DLGAP2: variants seen among roughly 807,000 people sequenced by gnomAD.
DLGAP2 encodes the protein disks large-associated protein 2.
In DLGAP2, 26 loss-of-function variants were observed where a neutral mutation model predicts 100.3. The ratio of observed to expected loss-of-function variants is 0.26; its 90% CI spans 0.19 to 0.36. The LOEUF is 0.36. Among genes scored for constraint, DLGAP2 ranks in the 10% least tolerant of loss-of-function variants. The pLI is 1.00. For missense variants in DLGAP2, 1,858 were observed against 1,453.2 expected (o/e 1.28, Z -4.53); for synonymous variants, 886 against 630.1 (o/e 1.41, Z -6.08).
chr8:1,492,367 C>G (rs1477791852), intron 3 of DLGAP2, among the ~76,000 whole-genome samples: 1 of 152,118 alleles, frequency 6.6e-6, no homozygotes, highest in African/African-American at 2.4e-5. Flanking sequence ...ATTAGGGAAG[C>G]GGCTCAAATG....
intron 8 of DLGAP2, among the ~76,000 whole-genome samples, chr8:1,638,195 G>C (rs1797814348): frequency 6.6e-6 from 1 of 152,100 alleles, no homozygotes; most frequent in African/African-American, 2.4e-5. Context: ...CCCCGGACTT[G>C]GTGCTGAACC....
intron 8 of DLGAP2, among the ~76,000 whole-genome samples, chr8:1,642,231 ACCTGTGTCACCCTCGAC>A (rs1797930195): frequency 2.4e-5 from 1 of 41,286 alleles, no homozygotes; most frequent in East Asian, 9.0e-4. Flanking sequence ...GCCGGCCCTC[ACCTGTGTCACCCTCGAC>A]CCCGCCGGCC....
At chr8:786,525 T>A (rs990453145) in intron 1 of DLGAP2, among the ~76,000 whole-genome samples, 1 of 152,180 alleles carries the variant, frequency 6.6e-6, no homozygotes, top group Admixed American at 6.5e-5. Context: ...GCAGCCTTGC[T>A]GTACACAAAG....
intron 1 of DLGAP2, among the ~76,000 whole-genome samples, chr8:783,274 C>G (rs983831849): frequency 6.6e-6 from 1 of 152,194 alleles, no homozygotes; most frequent in Non-Finnish European, 1.5e-5. Context: ...TTTGCCTGCA[C>G]TCTGTTCCCT....
intron 1 of DLGAP2, among the ~76,000 whole-genome samples, chr8:745,814 G>A (rs1820603848): frequency 6.6e-6 from 1 of 152,188 alleles, no homozygotes; most frequent in South Asian, 2.1e-4. Context: ...CGGACTATAA[G>A]ACAGTATGAA....
chr8:1,428,881 T>C (rs1018399050), intron 3 of DLGAP2, among the ~76,000 whole-genome samples: 3 of 152,224 alleles, frequency 2.0e-5, no homozygotes, highest in Admixed American at 1.3e-4. Context: ...GTGACTCCCA[T>C]GCACAGGACG....
intron 1 of DLGAP2, among the ~76,000 whole-genome samples, chr8:862,788 A>C (rs1039665565): frequency 1.2e-4 from 19 of 152,206 alleles, no homozygotes; most frequent in African/African-American, 4.6e-4. Flanking sequence ...TGGCTTCCCC[A>C]GGGCCCCAAA....
intron 2 of DLGAP2, among the ~76,000 whole-genome samples, chr8:1,017,670 G>T (rs1199379749): frequency 7.1e-6 from 1 of 139,948 alleles, no homozygotes; most frequent in Non-Finnish European, 1.6e-5. Flanking sequence ...GTGACCAGGA[G>T]CCTTTTGGCT....
At chr8:1,272,653 T>C (rs1361242157) in intron 3 of DLGAP2, among the ~76,000 whole-genome samples, 1 of 152,106 alleles carries the variant, frequency 6.6e-6, no homozygotes, top group Non-Finnish European at 1.5e-5. Context: ...GCGCTGGACA[T>C]GGGAGATTCG....
intron 3 of DLGAP2, among the ~76,000 whole-genome samples, chr8:1,372,514 T>C (rs762495929): frequency 6.6e-6 from 1 of 152,146 alleles, no homozygotes; most frequent in African/African-American, 2.4e-5. Flanking sequence ...GCATAATTCC[T>C]CTTCATGGGC....
intron 3 of DLGAP2, among the ~76,000 whole-genome samples, chr8:1,378,887 A>C (rs368789495): frequency 6.6e-6 from 1 of 151,964 alleles, no homozygotes; most frequent in Admixed American, 6.6e-5. Context: ...CGGGTTCAAC[A>C]CTCATGCTTC....
rs144733325 is a variant in DLGAP2, at chr8:1,132,618, G to A, written c.74-126233G>A. On this transcript the variant is annotated intron_variant, in intron 2 of 14. Coordinates refer to ENST00000637795, the MANE Select transcript of DLGAP2 (RefSeq NM_001346810.2). ...CACAGTAAAGCCAGATGCTCACACC[G>A]AAGTTTTGGCAGTGATGTAAAGAAG... is the stretch of plus-strand genomic sequence containing the variant. 6.6e-5 allele frequency among the ~76,000 whole-genome samples: 10 copies of A among 152,340 alleles called. No individual in the cohort carries two copies. In the East Asian group the frequency reaches 1.7e-3, roughly 26 times the overall value.
At chr8:1,491,544 A>G (rs1799389486) in intron 3 of DLGAP2, among the ~76,000 whole-genome samples, 1 of 152,254 alleles carries the variant, frequency 6.6e-6, no homozygotes, top group Admixed American at 6.5e-5. Flanking sequence ...TTCCTGGGTA[A>G]GCATGGTGGA....
chr8:1,473,408 G>C (rs533070538), intron 3 of DLGAP2, among the ~76,000 whole-genome samples: 2 of 152,318 alleles, frequency 1.3e-5, no homozygotes, highest in African/African-American at 4.8e-5. Flanking sequence ...TCCACTGCGG[G>C]GCTGGAGGCG....
At chr8:1,412,689 A>G (rs902308056) in intron 3 of DLGAP2, among the ~76,000 whole-genome samples, 18 of 152,184 alleles carry the variant, frequency 1.2e-4, no homozygotes, top group African/African-American at 3.9e-4. Context: ...GAGTCAGTGC[A>G]TGTAATTATT....
At chr8:1,000,564 C>T (rs1257270706) in intron 2 of DLGAP2, among the ~76,000 whole-genome samples, 1 of 152,124 alleles carries the variant, frequency 6.6e-6, no homozygotes, top group Non-Finnish European at 1.5e-5. Flanking sequence ...TTCTTTTGCA[C>T]TGGTGTCTAG....
Position 1,179,268 on chromosome 8 carries a change from TG to T in DLGAP2, c.74-79578del, listed in dbSNP as rs541922185. Among the ~76,000 whole-genome samples the T allele has an allele frequency of 4.4e-3, 673 of 152,218 alleles. 8 individuals carry two copies. The highest frequency in any genetic ancestry group is 0.017 in the Middle Eastern group (5 of 294). ...TATTTCAGAGGCCTTAGATGCAGAG[TG>T]GGGGTGGGTGAGCACTCAGCTCTCT... On this transcript the variant is annotated intron_variant, in intron 2 of 14. Coordinates refer to ENST00000637795, the MANE Select transcript of DLGAP2 (RefSeq NM_001346810.2).
At chr8:1,693,442 T>C (rs187101250) in intron 13 of DLGAP2, among the ~76,000 whole-genome samples, 8 of 152,016 alleles carry the variant, frequency 5.3e-5, no homozygotes, top group African/African-American at 1.9e-4. Flanking sequence ...AAATAGTAAA[T>C]AATAGTTATG....
At chr8:1,327,425 C>T (rs898590308) in intron 3 of DLGAP2, among the ~76,000 whole-genome samples, 2 of 152,180 alleles carry the variant, frequency 1.3e-5, no homozygotes, top group Admixed American at 6.5e-5. Context: ...TCCATCTCTT[C>T]CTTTGTCTTT....
Sources: gnomAD v4.1 joint callset for allele counts (sites outside exome capture counted in the v4.1 genomes callset) on GRCh38, gnomAD v4.1.1 for gene constraint, MANE v1.5 for transcripts, NCBI Gene and HGNC (gene_info 2026-07-23, HGNC 2026-07-21) for gene names.